FAT3: variants seen among roughly 807,000 people sequenced by gnomAD.
FAT3 encodes the protein protocadherin Fat 3.
In FAT3, 95 loss-of-function variants were observed where a neutral mutation model predicts 310.2. That is an observed-to-expected ratio of 0.31 (90% CI 0.26 to 0.36). The LOEUF (loss-of-function observed/expected upper bound fraction) is 0.36. Ranked by LOEUF, FAT3 falls within the 10% of genes least tolerant of loss-of-function variation. The pLI is 1.00. For missense variants in FAT3, 5,408 were observed against 5,715.6 expected (o/e 0.95, Z 1.74); for synonymous variants, 2,314 against 2,192.9 (o/e 1.06, Z -1.54).
At chr11:92,366,413 T>A in intron 2 of FAT3, 1 of 322,702 alleles carries the variant, frequency 3.1e-6, no homozygotes, top group Non-Finnish European at 6.2e-6. Flanking sequence ...GTGGTCAGTG[T>A]GACATGTCCA....
chr11:92,570,638 A>G (rs1252796473), intron 3 of FAT3, among the ~76,000 whole-genome samples: 1 of 152,204 alleles, frequency 6.6e-6, no homozygotes, highest in East Asian at 1.9e-4. Flanking sequence ...AGATAATTCC[A>G]TATATTAAAT....
intron 2 of FAT3, 82 bp downstream of exon 2, chr11:92,355,486 C>G: frequency 7.4e-7 from 1 of 1,343,092 alleles, no homozygotes; most frequent in South Asian, 1.4e-5. Flanking sequence ...GATGTTAGGA[C>G]ACTAAAATAG....
At chr11:92,835,165 T>C (rs1226832672) in intron 15 of FAT3, 81 bp downstream of exon 15, 2 of 1,208,788 alleles carry the variant, frequency 1.7e-6, no homozygotes, top group African/African-American at 1.5e-5. Context: ...GCAAAGTCCG[T>C]CTTGGGTTTT....
At chr11:92,681,576 A>G (rs1003312929) in intron 3 of FAT3, among the ~76,000 whole-genome samples, 15 of 152,202 alleles carry the variant, frequency 9.9e-5, no homozygotes, top group African/African-American at 3.4e-4. Flanking sequence ...TGCTTTCAGA[A>G]GAAAGAGGTT....
chr11:92,294,131 C>T (rs1318694494), intron 1 of FAT3, among the ~76,000 whole-genome samples: 1 of 151,998 alleles, frequency 6.6e-6, no homozygotes, highest in Non-Finnish European at 1.5e-5. Context: ...CTGATGAGGG[C>T]TCTCTTCCTG....
chr11:92,830,560 G>C (rs1948218581), intron 13 of FAT3, among the ~76,000 whole-genome samples: 1 of 151,962 alleles, frequency 6.6e-6, no homozygotes, highest in African/African-American at 2.4e-5. Flanking sequence ...GTACACCAAT[G>C]ACACTCAAAT....
chr11:92,556,389 A>ATGGGTCATTTCCATC (rs1382404038), intron 3 of FAT3, among the ~76,000 whole-genome samples: 1 of 151,994 alleles, frequency 6.6e-6, no homozygotes, highest in Non-Finnish European at 1.5e-5. Context: ...CAATGCCTCC[A>ATGGGTCATTTCCATC]TGGGTCATTT....
At chr11:92,448,465 A>G (rs1951273897) in intron 2 of FAT3, among the ~76,000 whole-genome samples, 1 of 152,206 alleles carries the variant, frequency 6.6e-6, no homozygotes, top group African/African-American at 2.4e-5. Flanking sequence ...AACTTTTCAT[A>G]TTAAGACTGA....
intron 3 of FAT3, among the ~76,000 whole-genome samples, chr11:92,593,568 T>G (rs1261615911): frequency 6.6e-6 from 1 of 152,084 alleles, no homozygotes; most frequent in Non-Finnish European, 1.5e-5. Context: ...TTCCTTATAG[T>G]CAGTTGGCTG....
chr11:92,704,700 A>G (rs547737614), intron 4 of FAT3, among the ~76,000 whole-genome samples: 34 of 152,294 alleles, frequency 2.2e-4, no homozygotes, highest in African/African-American at 7.7e-4. Flanking sequence ...AAGCCCTGTC[A>G]TTACCTTCTC....
chr11:92,431,706 A>T (rs1419476382), intron 2 of FAT3, among the ~76,000 whole-genome samples: 1 of 152,154 alleles, frequency 6.6e-6, no homozygotes, highest in Non-Finnish European at 1.5e-5. Context: ...TAAGGAAGGG[A>T]TCCGGTTTCA....
chr11:92,444,420 G>A (rs1470541871), intron 2 of FAT3, among the ~76,000 whole-genome samples: 10 of 152,112 alleles, frequency 6.6e-5, no homozygotes, highest in Admixed American at 6.6e-4. Context: ...CAACAAATGT[G>A]CAAGTGCTAA....
Position 92,684,702 on chromosome 11 carries a change from A to T in FAT3, c.3608-12682A>T, listed in dbSNP as rs569671598. On this transcript the variant is annotated intron_variant, in intron 3 of 27. Transcript: ENST00000525166. ...TATGGAATAAACAAGCTAGATATAGATGCTTATGGCAGTCTTTGGTGCTTC... is the reference window on the plus strand; with the variant it reads ...TATGGAATAAACAAGCTAGATATAGTTGCTTATGGCAGTCTTTGGTGCTTC... Among the ~76,000 whole-genome samples, 4 of 152,258 alleles carry T rather than the reference A, an allele frequency of 2.6e-5. No individual in the cohort carries two copies. In the East Asian group the frequency reaches 7.7e-4, roughly 29 times the overall value.
rs1253392819 is a variant in FAT3 at position 92,891,148 on chromosome 11, C to A, written c.*35C>A. The A allele has an allele frequency of 6.3e-7, 1 of 1,599,998 alleles. No homozygotes were observed. On this transcript the variant is annotated 3_prime_UTR_variant, in exon 28 of 28. Transcript: ENST00000525166. The stretch of plus-strand genomic sequence containing the variant: ...CTTGGGTACTTCACCCTGTTTGTTA[C>A]AGAAAAGTGGAAGCAGATTGGCTGG...
chr11:92,766,741 C>T (rs532315537), intron 6 of FAT3: 1 of 152,290 alleles, frequency 6.6e-6, no homozygotes, highest in South Asian at 2.1e-4. Context: ...AAGGGGTCTC[C>T]ATTTCTTTAT....
rs1949709924 is a variant in FAT3, at chr11:92,882,993, C to G, written c.12537C>G (p.Val4179=). 6.2e-7 allele frequency: 1 copy of G among 1,613,964 alleles called. No individual in the cohort carries two copies. Among genetic ancestry groups the G allele is most frequent in the East Asian group, 2.2e-5 (1 of 44,872 alleles). Residue 4179 remains valine (V), a synonymous_variant, in exon 24 of 28, where the codon GTC becomes GTG. Coordinates refer to ENST00000525166, the MANE Select transcript of FAT3 (RefSeq NM_001367949.2). ...VVLFIVFRKK[V]FRKNYSRNNI... is the part of the protein sequence containing the mutation. ...TCTTCATAGTCTTCCGCAAGAAGGTCTTCCGCAAGAACTACTCCCGCAACA... is the reference window on the plus strand; with the variant it reads ...TCTTCATAGTCTTCCGCAAGAAGGTGTTCCGCAAGAACTACTCCCGCAACA...
rs183645386 is a variant in FAT3 at position 92,772,227 on chromosome 11, C to T, written c.4196-1814C>T. 3.6e-3 allele frequency among the ~76,000 whole-genome samples: 555 copies of T among 152,278 alleles called. 3 individuals are homozygous for T. Among genetic ancestry groups the T allele is most frequent in the South Asian group, 8.1e-3 (39 of 4,828 alleles). On this transcript the variant is annotated intron_variant, in intron 6 of 27. Coordinates refer to ENST00000525166, the MANE Select transcript of FAT3 (RefSeq NM_001367949.2). Reference sequence around the variant, plus strand: ...GATTTAAAATGGGATTTAATACCCACTAGAAACAACCTGAGAAGTTACATT... The same window carrying T: ...GATTTAAAATGGGATTTAATACCCATTAGAAACAACCTGAGAAGTTACATT...
intron 2 of FAT3, among the ~76,000 whole-genome samples, chr11:92,381,247 C>T (rs889802171): frequency 3.9e-5 from 6 of 152,286 alleles, no homozygotes; most frequent in South Asian, 2.1e-4. Flanking sequence ...CAGTGGCTCA[C>T]GCCTGTAATC....
At chr11:92,442,109 A>ATTTTTTTTTTTTTT (rs1258493776) in intron 2 of FAT3, among the ~76,000 whole-genome samples, 12 of 50,082 alleles carry the variant, frequency 2.4e-4, no homozygotes, top group South Asian at 1.1e-3. Flanking sequence ...ATATATATAT[A>ATTTTTTTTTTTTTT]TATTTTTTTT....
Sources: gnomAD v4.1 joint callset for allele counts (sites outside exome capture counted in the v4.1 genomes callset) on GRCh38, gnomAD v4.1.1 for gene constraint, MANE v1.5 for transcripts, NCBI Gene and HGNC (gene_info 2026-07-23, HGNC 2026-07-21) for gene names.